FBXL17: variants seen among roughly 807,000 people sequenced by gnomAD.
The protein encoded by FBXL17 is F-box and leucine rich repeat protein 17.
In FBXL17, 22 loss-of-function variants were observed where a neutral mutation model predicts 66.2. The observed-to-expected ratio is 0.33, with a 90% CI of 0.24 to 0.47. The LOEUF (loss-of-function observed/expected upper bound fraction) is 0.47. Among genes scored for constraint, FBXL17 ranks in the 20% least tolerant of loss-of-function variants. The pLI, the probability that FBXL17 is intolerant of heterozygous loss-of-function variation, is 1.00. For synonymous variants in FBXL17, 474 were observed against 400.5 expected (o/e 1.18, Z -2.19); for missense variants, 878 against 948.2 (o/e 0.93, Z 0.97).
At chr5:108,067,563 G>T (rs1326167714) in intron 6 of FBXL17, among the ~76,000 whole-genome samples, 1 of 152,178 alleles carries the variant, frequency 6.6e-6, no homozygotes, top group Non-Finnish European at 1.5e-5. Flanking sequence ...AGGCTTGAGA[G>T]ATGTCCTAGC....
intron 4 of FBXL17, among the ~76,000 whole-genome samples, chr5:108,259,438 A>G (rs1011412510): frequency 1.3e-5 from 2 of 152,230 alleles, no homozygotes; most frequent in Non-Finnish European, 2.9e-5. Context: ...GTAGTGAGGC[A>G]GACAGAGAGC....
chr5:108,355,042 A>G (rs546978915), intron 3 of FBXL17, among the ~76,000 whole-genome samples: 2 of 152,084 alleles, frequency 1.3e-5, no homozygotes, highest in African/African-American at 2.4e-5. Context: ...GAAACAAGGA[A>G]AATGACACAG....
intron 7 of FBXL17, among the ~76,000 whole-genome samples, chr5:107,941,316 C>T (rs752410626): frequency 3.9e-5 from 6 of 152,180 alleles, no homozygotes; most frequent in Admixed American, 6.5e-5. Context: ...TCTATCATTG[C>T]ATCTTGGGCA....
chr5:108,167,060 C>T (rs903926485), intron 6 of FBXL17, among the ~76,000 whole-genome samples: 1 of 151,892 alleles, frequency 6.6e-6, no homozygotes. Context: ...AAGTAGAGAT[C>T]ATTGTGTTTT....
At chr5:108,090,472 C>T (rs1195779614) in intron 6 of FBXL17, among the ~76,000 whole-genome samples, 1 of 152,060 alleles carries the variant, frequency 6.6e-6, no homozygotes, top group Non-Finnish European at 1.5e-5. Context: ...AAGAGGTTGG[C>T]AAATTTTTTC....
At chr5:107,911,802 A>C (rs991414176) in intron 7 of FBXL17, among the ~76,000 whole-genome samples, 1 of 152,172 alleles carries the variant, frequency 6.6e-6, no homozygotes, top group Non-Finnish European at 1.5e-5. Flanking sequence ...ATGTAACAAA[A>C]TAGGGTCAAG....
At chr5:107,979,595 C>T (rs972500281) in intron 7 of FBXL17, among the ~76,000 whole-genome samples, 8 of 152,190 alleles carry the variant, frequency 5.3e-5, no homozygotes, top group African/African-American at 1.7e-4. Context: ...CTGTGACTTC[C>T]GGCGCTGGTT....
At chr5:108,264,977 G>A (rs553094323) in intron 4 of FBXL17, among the ~76,000 whole-genome samples, 21 of 151,636 alleles carry the variant, frequency 1.4e-4, no homozygotes, top group Non-Finnish European at 2.8e-4. Flanking sequence ...TAGGTCAAAA[G>A]CCCTATTTCT....
At chr5:108,062,404 T>C (rs1747957837) in intron 6 of FBXL17, among the ~76,000 whole-genome samples, 1 of 152,226 alleles carries the variant, frequency 6.6e-6, no homozygotes, top group East Asian at 1.9e-4. Context: ...CATGCAAAAT[T>C]CATATCTTTA....
At chr5:107,975,642 T>C (rs1255969077) in intron 7 of FBXL17, among the ~76,000 whole-genome samples, 1 of 152,160 alleles carries the variant, frequency 6.6e-6, no homozygotes, top group Non-Finnish European at 1.5e-5. Context: ...ATAATAAAAA[T>C]AGTGTGGTTT....
At chr5:108,249,004 G>A (rs908603026) in intron 4 of FBXL17, among the ~76,000 whole-genome samples, 4 of 152,048 alleles carry the variant, frequency 2.6e-5, no homozygotes, top group African/African-American at 9.7e-5. Context: ...AGAGCAACAG[G>A]AGAAGTAAAA....
At chr5:108,333,221 T>C (rs1212296353) in intron 4 of FBXL17, among the ~76,000 whole-genome samples, 2 of 150,620 alleles carry the variant, frequency 1.3e-5, no homozygotes, top group African/African-American at 4.9e-5. Context: ...TATTTATAGC[T>C]AACAGTAGTC....
At chr5:108,151,783 A>G (rs898652668) in intron 6 of FBXL17, among the ~76,000 whole-genome samples, 19 of 152,308 alleles carry the variant, frequency 1.2e-4, no homozygotes, top group African/African-American at 4.3e-4. Flanking sequence ...GCAGACATTC[A>G]AAGGAAGTGA....
chr5:108,181,971 G>C (rs1753021398), intron 6 of FBXL17, among the ~76,000 whole-genome samples: 2 of 152,128 alleles, frequency 1.3e-5, no homozygotes, highest in African/African-American at 4.8e-5. Flanking sequence ...AATAGAAATA[G>C]TATGACCTTC....
chr5:108,177,932 T>TATATATATATATATATATATACACAC (rs1242739302), intron 6 of FBXL17, among the ~76,000 whole-genome samples: 2 of 126,830 alleles, frequency 1.6e-5, no homozygotes, highest in African/African-American at 2.7e-5. Flanking sequence ...TATATATATA[T>TATATATATATATATATATATACACAC]ACACACACAC....
chr5:108,219,439 A>G (rs1047833719), intron 5 of FBXL17, among the ~76,000 whole-genome samples: 4 of 152,194 alleles, frequency 2.6e-5, no homozygotes, highest in African/African-American at 4.8e-5. Flanking sequence ...TAATCTCAGC[A>G]CTTTGAGAGG....
In FBXL17 at chr5:108,175,745, T is replaced by C. The variant is rs142255729; in HGVS notation, c.1745+10372A>G. ...TGTCATGTCTGCCATTTTTAATTAT[T>C]ACCAATCAAGTTCCAGCAATTTCTC... is the stretch of plus-strand genomic sequence containing the variant. On this transcript the variant is annotated intron_variant, in intron 6 of 8. Transcript: ENST00000542267. Among the ~76,000 whole-genome samples the C allele has an allele frequency of 4.3e-3, 654 of 152,336 alleles. 7 individuals carry two copies. Among genetic ancestry groups the C allele is most frequent in the African/African-American group, 0.014 (598 of 41,586 alleles).
chr5:108,087,549 T>C (rs559549092), intron 6 of FBXL17, among the ~76,000 whole-genome samples: 75 of 152,214 alleles, frequency 4.9e-4, no homozygotes, highest in African/African-American at 1.6e-3. Context: ...CAATCCTCCT[T>C]CTTTCATACT....
intron 6 of FBXL17, among the ~76,000 whole-genome samples, chr5:108,110,557 T>C (rs1052097124): frequency 6.6e-5 from 10 of 152,192 alleles, no homozygotes; most frequent in African/African-American, 2.4e-4. Flanking sequence ...TAGTTTCCTA[T>C]TTAGAACCCT....
Sources: allele counts gnomAD v4.1 joint callset (sites outside exome capture counted in the v4.1 genomes callset), GRCh38; gene constraint gnomAD v4.1.1; transcripts MANE v1.5; gene names NCBI Gene and HGNC (gene_info 2026-07-23, HGNC 2026-07-21).